Variants in LYRM4 observed in about 807,000 individuals in gnomAD.
The protein encoded by LYRM4 is LYR motif containing 4.
LYRM4 carries 9 observed loss-of-function variants against 11.7 expected under a neutral mutation model. The ratio of observed to expected loss-of-function variants is 0.77; its 90% CI spans 0.46 to 1.34. LYRM4 has a LOEUF of 1.34. Among genes scored for constraint, LYRM4 ranks in the 40% most tolerant of loss-of-function variants. The pLI is 0.00. For synonymous variants in LYRM4, 42 were observed against 40.4 expected, an observed-to-expected ratio of 1.04 and a Z score of -0.15; for missense variants, 133 against 112.5, an observed-to-expected ratio of 1.18 and a Z score of -0.82.
intron 2 of LYRM4, among the ~76,000 whole-genome samples, chr6:5,177,404 T>A (rs1270919631): frequency 6.6e-6 from 1 of 152,218 alleles, no homozygotes; most frequent in Non-Finnish European, 1.5e-5. Flanking sequence ...CTGGAAAGCC[T>A]ACCCAGCTCT....
intron 2 of LYRM4, among the ~76,000 whole-genome samples, chr6:5,209,075 G>T (rs1761854010): frequency 1.3e-5 from 2 of 152,034 alleles, no homozygotes; most frequent in African/African-American, 2.4e-5. Context: ...CCTCTGATGG[G>T]TTTATTATTA....
At chr6:5,185,591 C>T (rs1306838553) in intron 2 of LYRM4, among the ~76,000 whole-genome samples, 2 of 152,094 alleles carry the variant, frequency 1.3e-5, no homozygotes, top group African/African-American at 2.4e-5. Flanking sequence ...CTAGTCTCTG[C>T]CTGAGCAACC....
the LYRM4 span, among the ~76,000 whole-genome samples, chr6:5,050,949 C>T: frequency 0.88 from 133,759 of 152,260 alleles, 58,869 homozygotes; most frequent in East Asian, 0.99. Context: ...GTCAAGAAAA[C>T]GTATGAACAA....
At chr6:5,121,189 C>G (rs1161402745) in intron 2 of LYRM4, among the ~76,000 whole-genome samples, 1 of 152,132 alleles carries the variant, frequency 6.6e-6, no homozygotes, top group African/African-American at 2.4e-5. Flanking sequence ...ACCAGGTGTA[C>G]TTTGGGTACA....
At chr6:5,074,804 T>A in the LYRM4 span, among the ~76,000 whole-genome samples, 6 of 152,098 alleles carry the variant, frequency 3.9e-5, no homozygotes, top group Non-Finnish European at 5.9e-5. Context: ...GTGATGGTGG[T>A]CATAATGGTG....
At chr6:5,195,595 C>CAGTGGAGTGAGGT (rs1438225335) in intron 2 of LYRM4, among the ~76,000 whole-genome samples, 1 of 152,224 alleles carries the variant, frequency 6.6e-6, no homozygotes, top group East Asian at 1.9e-4. Context: ...GATAGCGCCA[C>CAGTGGAGTGAGGT]TGCACTCCAA....
chr6:5,041,684 C>T, the LYRM4 span, among the ~76,000 whole-genome samples: 1 of 152,080 alleles, frequency 6.6e-6, no homozygotes, highest in Admixed American at 6.6e-5. Context: ...TTTTCCCATT[C>T]CAGAACTTGT....
At chr6:5,140,449 C>T (rs144949608) in intron 2 of LYRM4, among the ~76,000 whole-genome samples, 2 of 152,170 alleles carry the variant, frequency 1.3e-5, no homozygotes, top group East Asian at 1.9e-4. Flanking sequence ...ACATTTAAAC[C>T]TGTATAATGA....
chr6:5,058,210 C>A, the LYRM4 span, among the ~76,000 whole-genome samples: 1 of 152,148 alleles, frequency 6.6e-6, no homozygotes, highest in Non-Finnish European at 1.5e-5. Flanking sequence ...GAGGAGAGGA[C>A]CTGAGTTCCA....
At chr6:5,068,956 T>C in the LYRM4 span, among the ~76,000 whole-genome samples, 1 of 152,184 alleles carries the variant, frequency 6.6e-6, no homozygotes, top group African/African-American at 2.4e-5. This position sits in a 1 kb window ranked among gnomAD's most constrained non-coding sequence, Gnocchi z 4.0. Context: ...TTCATGTTTC[T>C]CTAATAGGCG....
chr6:5,078,710 T>C, the LYRM4 span, among the ~76,000 whole-genome samples: 2 of 152,190 alleles, frequency 1.3e-5, no homozygotes, highest in Admixed American at 1.3e-4. Flanking sequence ...GCAAGTGTAT[T>C]CCCTTGCCAT....
chr6:5,183,465 C>T (rs1760198261), intron 2 of LYRM4, among the ~76,000 whole-genome samples: 2 of 152,138 alleles, frequency 1.3e-5, no homozygotes, highest in Admixed American at 1.3e-4. Flanking sequence ...TAGCCATAAT[C>T]ATATACAGTA....
chr6:5,066,857 AC>A, the LYRM4 span: 15 of 867,774 alleles, frequency 1.7e-5, no homozygotes, highest in Non-Finnish European at 2.6e-5. Flanking sequence ...CAGACAGGCC[AC>A]GGCGGTTCCT....
chr6:5,047,077 C>T, the LYRM4 span, among the ~76,000 whole-genome samples: 5 of 152,036 alleles, frequency 3.3e-5, no homozygotes, highest in Admixed American at 3.3e-4. Context: ...GGGTGACAGA[C>T]TGAGACCCTA....
At chr6:5,244,262 G>A (rs774759830) in intron 1 of LYRM4, among the ~76,000 whole-genome samples, 14 of 152,232 alleles carry the variant, frequency 9.2e-5, no homozygotes, top group Admixed American at 1.3e-4. Flanking sequence ...TAAGGGTAGT[G>A]TCCTGAGCAC....
chr6:5,064,607 T>A, the LYRM4 span, among the ~76,000 whole-genome samples: 1 of 152,250 alleles, frequency 6.6e-6, no homozygotes, highest in Non-Finnish European at 1.5e-5. Flanking sequence ...TCTCACTATA[T>A]TGGTCAGATT....
chr6:5,198,521 T>C (rs554308242), intron 2 of LYRM4, among the ~76,000 whole-genome samples: 3 of 152,336 alleles, frequency 2.0e-5, no homozygotes, highest in South Asian at 2.1e-4. Flanking sequence ...CTTGTCCATC[T>C]GGAGGTCATT....
the LYRM4 span, among the ~76,000 whole-genome samples, chr6:5,096,723 C>G: frequency 1.3e-5 from 2 of 152,186 alleles, no homozygotes; most frequent in Non-Finnish European, 2.9e-5. Flanking sequence ...TAACTCCTGC[C>G]TAATATAGAT....
At chr6:5,196,223 A>G (rs1178367471) in intron 2 of LYRM4, among the ~76,000 whole-genome samples, 2 of 152,136 alleles carry the variant, frequency 1.3e-5, no homozygotes, top group Non-Finnish European at 2.9e-5. Flanking sequence ...CGCAGATATC[A>G]TGTCTAACTC....
Sources: gnomAD v4.1 joint callset for allele counts (sites outside exome capture counted in the v4.1 genomes callset) on GRCh38, gnomAD v4.1.1 for gene constraint, Gnocchi (gnomAD v3.1) non-coding constraint, MANE v1.5 for transcripts, NCBI Gene and HGNC (gene_info 2026-07-23, HGNC 2026-07-21) for gene names.